The following EFCAB5 variants were observed in gnomAD, a reference collection of about 807,000 sequenced individuals.
EFCAB5 encodes the protein EF-hand calcium-binding domain-containing protein 5.
EFCAB5 carries 131 observed loss-of-function variants against 167.9 expected under a neutral mutation model. The observed-to-expected ratio is 0.78, with a 90% CI of 0.68 to 0.90. The LOEUF (loss-of-function observed/expected upper bound fraction) is 0.90, where lower values mean the gene tolerates loss of function less well. Ranked by LOEUF, EFCAB5 falls within the 40% of genes least tolerant of loss-of-function variation. The pLI is 0.00. For synonymous variants in EFCAB5, 574 were observed against 602.8 expected (o/e 0.95, Z 0.70); for missense variants, 1,663 against 1,745.2 (o/e 0.95, Z 0.84).
At chr17:30,023,226 A>G (rs1361795901) in intron 7 of EFCAB5, among the ~76,000 whole-genome samples, 1 of 152,200 alleles carries the variant, frequency 6.6e-6, no homozygotes, top group African/African-American at 2.4e-5. Context: ...CCTTCAAAAA[A>G]TTAATGAATC....
upstream of EFCAB5, chr17:29,941,596 C>G: frequency 2.0e-6 from 1 of 491,022 alleles, no homozygotes; most frequent in Non-Finnish European, 3.6e-6. Context: ...ACAGTCATAA[C>G]AGTAATACAG....
At chr17:29,941,465 A>G (rs2067296403), upstream of EFCAB5, 1 of 172,136 alleles carries the variant, frequency 5.8e-6, no homozygotes, top group African/African-American at 2.4e-5. Context: ...GAGGATGACA[A>G]TCACGTTAAA....
chr17:30,068,129 C>A (rs1043768552), intron 14 of EFCAB5, among the ~76,000 whole-genome samples: 7 of 152,136 alleles, frequency 4.6e-5, no homozygotes, highest in Admixed American at 3.9e-4. Flanking sequence ...CACGGTGAAA[C>A]CCCGTCTCTA....
At chr17:30,088,733 C>T (rs781345522) in intron 19 of EFCAB5, among the ~76,000 whole-genome samples, 8 of 152,318 alleles carry the variant, frequency 5.3e-5, no homozygotes, top group South Asian at 4.1e-4. Flanking sequence ...GGGTCACTGT[C>T]GTTGAGTAGG....
In EFCAB5 at chr17:30,108,289, G is replaced by A. The variant is rs1339066312; in HGVS notation, c.*265G>A. 6.8e-6 allele frequency: 2 copies of A among 292,930 alleles called. No individual in the cohort carries two copies. The highest frequency in any genetic ancestry group is 1.3e-5 in the Non-Finnish European group (2 of 157,806). 18.1% of individuals were successfully genotyped at this position (292,930 alleles called of 1,614,324 possible). On this transcript the variant is annotated 3_prime_UTR_variant, in exon 23 of 23. Transcript: ENST00000394835. The stretch of plus-strand genomic sequence containing the variant: ...AAAGCTTCCTTTCAGTTTGAGCTTT[G>A]TATCTGCTGTGGAACTGTTATGGTT...
intron 19 of EFCAB5, among the ~76,000 whole-genome samples, chr17:30,088,723 G>A (rs1339109691): frequency 6.6e-6 from 1 of 152,178 alleles, no homozygotes; most frequent in Non-Finnish European, 1.5e-5. Flanking sequence ...GCTTCTTAGG[G>A]GGTCACTGTC....
chr17:30,056,683 A>G (rs1049051271), intron 12 of EFCAB5, among the ~76,000 whole-genome samples: 1 of 152,212 alleles, frequency 6.6e-6, no homozygotes, highest in South Asian at 2.1e-4. Context: ...TTTCACTAAA[A>G]TGCTACTATA....
chr17:30,050,644 G>A lies in EFCAB5; in HGVS notation c.1201-474G>A, dbSNP rs147485702. ...GAGGTCTCACTGTGTTGCTATATCA[G>A]GCTTTTTAAAGCACATACACAAAAT... On this transcript the variant is annotated intron_variant, in intron 8 of 22. Coordinates refer to ENST00000394835, the MANE Select transcript of EFCAB5 (RefSeq NM_198529.4). Among the ~76,000 whole-genome samples the A allele has an allele frequency of 8.2e-3, 1,248 of 152,156 alleles. 11 individuals carry two copies. The highest frequency in any genetic ancestry group is 0.025 in the African/African-American group (1,046 of 41,502).
chr17:29,942,132 T>C (rs974968719), intron 1 of EFCAB5, 108 bp from the exon 2 acceptor site: 1 of 889,740 alleles, frequency 1.1e-6, no homozygotes, highest in Non-Finnish European at 1.7e-6. Flanking sequence ...TATTTACTCA[T>C]TATGTGAAAT....
intron 8 of EFCAB5, among the ~76,000 whole-genome samples, chr17:30,036,046 A>G (rs1288946839): frequency 7.0e-6 from 1 of 143,690 alleles, no homozygotes; most frequent in Admixed American, 7.8e-5. Context: ...ATATTTGTAT[A>G]TATTTTATAT....
chr17:30,078,232 T>C lies in EFCAB5; in HGVS notation c.2755T>C (p.Phe919Leu). ...SMKKAKLHIQFPKPHPGHEVR... is the reference protein window; with the variant it reads ...SMKKAKLHIQLPKPHPGHEVR... ...TCTTTTAGCTAAACTACACATCCAA[T>C]TTCCAAAGCCACACCCTGGTCACGA... Residue 919 changes from phenylalanine to leucine, a missense_variant, in exon 15 of 23, where the codon TTT (phenylalanine) becomes CTT (leucine). Transcript: ENST00000394835. 1 of 1,612,072 alleles carries C rather than the reference T, an allele frequency of 6.2e-7. No individual in the cohort carries two copies. Among genetic ancestry groups the C allele is most frequent in the Non-Finnish European group, 8.5e-7 (1 of 1,178,652 alleles).
In EFCAB5 at chr17:30,080,829, C is replaced by G; in HGVS notation, c.3274C>G (p.Gln1092Glu). Residue 1092 changes from glutamine to glutamate, a missense_variant, in exon 17 of 23, where the codon CAG becomes GAG. Coordinates refer to ENST00000394835, the MANE Select transcript of EFCAB5 (RefSeq NM_198529.4). ...QYHGNIFFWN[Q>E]SRNKHDYNGS... ...CCATGGGAACATCTTCTTCTGGAAC[C>G]AGTCCCGTAATAAGCATGATTATAA... 1 of 1,613,720 alleles carries G rather than the reference C, an allele frequency of 6.2e-7. No homozygotes were observed. The highest frequency in any genetic ancestry group is 8.5e-7 in the Non-Finnish European group (1 of 1,179,810).
intron 3 of EFCAB5, among the ~76,000 whole-genome samples, chr17:29,946,943 G>A (rs1433183033): frequency 1.3e-5 from 2 of 152,110 alleles, no homozygotes; most frequent in African/African-American, 2.4e-5. Context: ...ACAGCACTTC[G>A]GAAGGCCAAG....
chr17:30,022,660 T>C (rs1401056285), intron 7 of EFCAB5, among the ~76,000 whole-genome samples: 2 of 152,184 alleles, frequency 1.3e-5, no homozygotes, highest in African/African-American at 4.8e-5. Context: ...GAACAATGTT[T>C]TCAAAATTCA....
chr17:30,008,574 A>C (rs1472938845), intron 7 of EFCAB5, among the ~76,000 whole-genome samples: 1 of 152,028 alleles, frequency 6.6e-6, no homozygotes, highest in African/African-American at 2.4e-5. Context: ...TGGGTGACAG[A>C]GCAAGACTCC....
chr17:30,071,155 A>C (rs2070727499), intron 14 of EFCAB5, among the ~76,000 whole-genome samples: 1 of 150,258 alleles, frequency 6.7e-6, no homozygotes, highest in Non-Finnish European at 1.5e-5. Context: ...TCAAACTTTT[A>C]AAAAGCTTCT....
chr17:30,052,377 G>A (rs191302754), intron 9 of EFCAB5, among the ~76,000 whole-genome samples: 2 of 152,092 alleles, frequency 1.3e-5, no homozygotes, highest in African/African-American at 2.4e-5. Context: ...ATGTTGGGCA[G>A]GCAGGTCTCA....
In EFCAB5 at chr17:30,027,026, G is replaced by A. The variant is rs537557768; in HGVS notation, c.1045-7204G>A. On this transcript the variant is annotated intron_variant, in intron 7 of 22. Transcript: ENST00000394835. The stretch of plus-strand genomic sequence containing the variant: ...TTTTGAGATGGAGTCTCGCTCTGTC[G>A]CCCAGGCTGGAGTGCAGTGGCGCAA... Among the ~76,000 whole-genome samples, 1,003 of 117,920 alleles carry A rather than the reference G, an allele frequency of 8.5e-3. 18 individuals are homozygous for A. Among genetic ancestry groups the A allele is most frequent in the African/African-American group, 0.03 (958 of 31,942 alleles). The allele number at this position is 117,920 out of a possible 152,430, so 77.4% of individuals were successfully genotyped here.
chr17:29,965,268 C>T (rs1445604093), intron 3 of EFCAB5, among the ~76,000 whole-genome samples: 3 of 151,860 alleles, frequency 2.0e-5, no homozygotes, highest in Non-Finnish European at 4.4e-5. Flanking sequence ...TCTAATATCC[C>T]TTGTGATTTT....
Sources: allele counts gnomAD v4.1 joint callset (sites outside exome capture counted in the v4.1 genomes callset), GRCh38; gene constraint gnomAD v4.1.1; transcripts MANE v1.5; gene names NCBI Gene and HGNC (gene_info 2026-07-23, HGNC 2026-07-21).